Variants in TRIO observed in about 807,000 individuals in gnomAD.
TRIO encodes the protein trio Rho guanine nucleotide exchange factor, also known as triple functional domain protein.
A neutral mutation model predicts 351.9 loss-of-function variants in TRIO; 58 were observed. That is an observed-to-expected ratio of 0.16 (90% confidence interval 0.13 to 0.21). The LOEUF (loss-of-function observed/expected upper bound fraction) is 0.21, where lower values mean the gene tolerates loss of function less well. Ranked by LOEUF, TRIO falls within the 10% of genes least tolerant of loss-of-function variation. The pLI is 1.00. For missense variants in TRIO, 3,201 were observed against 4,027.8 expected (o/e 0.79, Z 5.56); for synonymous variants, 1,758 against 1,595.7 (o/e 1.10, Z -2.42).
intron 8 of TRIO, among the ~76,000 whole-genome samples, chr5:14,307,310 C>T (rs1738461121): frequency 6.6e-6 from 1 of 152,218 alleles, no homozygotes; most frequent in African/African-American, 2.4e-5. Flanking sequence ...TCCAATGATG[C>T]CCCTTTCTCT....
Position 14,461,162 on chromosome 5 carries a change from C to G in TRIO, c.5347C>G (p.Arg1783Gly). 6.4e-7 allele frequency: 1 copy of G among 1,556,948 alleles called. No homozygotes were observed. The highest frequency in any genetic ancestry group is 8.7e-7 in the Non-Finnish European group (1 of 1,150,992). The change falls in exon 35 of 57, where the codon CGG (arginine) becomes GGG (glycine). Residue 1783 changes from arginine (R) to glycine (G), a missense_variant. Arg to Gly is a moderately radical substitution (Grantham distance 125). This residue lies in a region of TRIO where 193 missense variants were observed against 218.8 expected (regional missense o/e 0.88). Coordinates refer to ENST00000344204, the MANE Select transcript of TRIO (RefSeq NM_007118.4). ...LRKWLTSPVRRLSSGKADGHV... is the reference protein window; with the variant it reads ...LRKWLTSPVRGLSSGKADGHV... ...CAAGTGGCTCACCAGCCCCGTGCGG[C>G]GGCTCAGCAGCGGCAAGGCCGACGG...
intron 21 of TRIO, 116 bp downstream of exon 21, chr5:14,381,368 A>G: frequency 7.7e-7 from 1 of 1,295,116 alleles, no homozygotes; most frequent in Admixed American, 3.1e-5. Context: ...GGGCTGTTCC[A>G]CATTAACTGG....
rs187330825 is a variant in TRIO at position 14,378,273 on chromosome 5, A to C, written c.3447+146A>C. ...TAGCCTTCTAGTTAAGTTTGTTATAAAAAGAAAACCCCACAGCCTGGTAAA... is the reference window on the plus strand; with the variant it reads ...TAGCCTTCTAGTTAAGTTTGTTATACAAAGAAAACCCCACAGCCTGGTAAA... On this transcript the variant is annotated intron_variant, in intron 20 of 56. Transcript: ENST00000344204. 10 of 581,400 alleles carry C rather than the reference A, an allele frequency of 1.7e-5. No individual in the cohort carries two copies. The Admixed American group carries it at 2.4e-4, about 14-fold the overall frequency. 36.0% of individuals were successfully genotyped at this position (581,400 alleles called of 1,614,324 possible). A position where few individuals can be genotyped will look rare whatever the true frequency, so the allele number is the denominator to read the frequency against.
At chr5:14,306,830 A>G (rs891549632) in intron 8 of TRIO, among the ~76,000 whole-genome samples, 1 of 152,154 alleles carries the variant, frequency 6.6e-6, no homozygotes. Context: ...TTACCAGTGC[A>G]TTCTATAAAA....
chr5:14,507,105 C>T lies in TRIO; in HGVS notation c.8613-17C>T, dbSNP rs370910992. On this transcript the variant is annotated splice_polypyrimidine_tract_variant and intron_variant, in intron 55 of 56. Transcript: ENST00000344204. ...AGCAAATCGCATCATAACAGTCACC[C>T]GCTCCTGCCTCTTTAGGGCTGACCA... is the stretch of plus-strand genomic sequence containing the variant. 1.7e-5 allele frequency: 26 copies of T among 1,563,174 alleles called. No homozygotes were observed. The African/African-American group carries it at 2.2e-4, about 13-fold the overall frequency.
At chr5:14,312,416 A>T (rs1167948184) in intron 8 of TRIO, among the ~76,000 whole-genome samples, 2 of 152,188 alleles carry the variant, frequency 1.3e-5, no homozygotes, top group Non-Finnish European at 2.9e-5. Flanking sequence ...ACTCATTTGG[A>T]TATCAGAGCA....
In TRIO at chr5:14,487,742, C is replaced by A. The variant is rs975107010; in HGVS notation, c.7114C>A (p.Pro2372Thr). The A allele has an allele frequency of 3.6e-6, 5 of 1,406,600 alleles. No homozygotes were observed. The African/African-American group carries it at 6.1e-5, about 17-fold the overall frequency. The allele number at this position is 1,406,600 out of a possible 1,614,324, so 87.1% of individuals were successfully genotyped here. The change falls in exon 48 of 57, where the codon CCC (proline) becomes ACC (threonine). Residue 2372 changes from proline (P) to threonine (T), a missense_variant. Pro to Thr is a conservative substitution (Grantham distance 38). This residue lies in a region of TRIO where 1,089 missense variants were observed against 954.9 expected (regional missense o/e 1.14). Transcript: ENST00000344204. ...AGACAAGATGTCAGGTACGTCCACCCCCGGGCCCTCCCTGCCTCCCCCTGG... is the reference window on the plus strand; with the variant it reads ...AGACAAGATGTCAGGTACGTCCACCACCGGGCCCTCCCTGCCTCCCCCTGG... ...EADKMSGTST[P>T]GPSLPPPGAA...
chr5:14,224,673 C>T (rs1438181046), intron 1 of TRIO, among the ~76,000 whole-genome samples: 1 of 151,968 alleles, frequency 6.6e-6, no homozygotes, highest in Non-Finnish European at 1.5e-5. Context: ...AGTGGAAGGA[C>T]TCAGTGGCTA....
chr5:14,161,974 C>T (rs1292428567), intron 1 of TRIO, among the ~76,000 whole-genome samples: 5 of 152,220 alleles, frequency 3.3e-5, no homozygotes, highest in Non-Finnish European at 7.3e-5. Flanking sequence ...CTGTCTTGGC[C>T]TCCTGAAGTG....
chr5:14,350,794 C>A (rs764770472), intron 11 of TRIO, among the ~76,000 whole-genome samples: 65 of 152,112 alleles, frequency 4.3e-4, no homozygotes, highest in Non-Finnish European at 8.2e-4. Flanking sequence ...CATAAATTTT[C>A]TTTGATCATA....
intron 21 of TRIO, among the ~76,000 whole-genome samples, chr5:14,386,163 G>A (rs560181465): frequency 1.1e-3 from 164 of 152,308 alleles, no homozygotes; most frequent in African/African-American, 2.9e-3. Flanking sequence ...GGGAGGGCCC[G>A]CTAAGAGAGT....
Position 14,455,904 on chromosome 5 carries a change from C to T in TRIO, c.5204-5115C>T, listed in dbSNP as rs536860759. ...CGCACTGCACACCTGCACTCCTCAG[C>T]CCTTGGGCAGTCGATGGGACCGGGC... On this transcript the variant is annotated intron_variant, in intron 34 of 56. Coordinates refer to ENST00000344204, the MANE Select transcript of TRIO (RefSeq NM_007118.4). 1.8e-3 allele frequency among the ~76,000 whole-genome samples: 274 copies of T among 152,388 alleles called. 1 individual carries two copies. Among genetic ancestry groups the T allele is most frequent in the Middle Eastern group, 3.4e-3 (1 of 294 alleles).
At chr5:14,394,495 G>C (rs537867061) in intron 28 of TRIO, among the ~76,000 whole-genome samples, 15 of 152,290 alleles carry the variant, frequency 9.8e-5, no homozygotes, top group Admixed American at 9.8e-4. Context: ...CTGCAGGCAT[G>C]GAAACTAGCC....
chr5:14,291,788 T>TAAAAAA lies in TRIO; in HGVS notation c.1053+583_1053+588dup, dbSNP rs57424190. The stretch of plus-strand genomic sequence containing the variant: ...TGGGCGACAGAGTGAGACTCCGTCT[T>TAAAAAA]AAAAAAAAAAAAAAAAAAAAAAAAA... On this transcript the variant is annotated intron_variant, in intron 5 of 56. Transcript: ENST00000344204. Among the ~76,000 whole-genome samples the TAAAAAA allele has an allele frequency of 3.4e-3, 342 of 100,886 alleles. 9 individuals carry two copies. Among genetic ancestry groups the TAAAAAA allele is most frequent in the African/African-American group, 0.013 (284 of 22,492 alleles). The allele number at this position is 100,886 out of a possible 152,430, so 66.2% of individuals were successfully genotyped here.
chr5:14,149,538 G>A (rs919495793), intron 1 of TRIO, among the ~76,000 whole-genome samples: 2 of 152,176 alleles, frequency 1.3e-5, no homozygotes, highest in African/African-American at 4.8e-5. Flanking sequence ...GGTTGTATGT[G>A]GGGAAAGAGA....
chr5:14,147,415 A>C (rs1279237916), intron 1 of TRIO, among the ~76,000 whole-genome samples: 1 of 152,192 alleles, frequency 6.6e-6, no homozygotes, highest in Non-Finnish European at 1.5e-5. Flanking sequence ...GTGGCAATAA[A>C]TCATTCTTTC....
chr5:14,256,603 A>C (rs1245079493), intron 1 of TRIO, among the ~76,000 whole-genome samples: 1 of 152,150 alleles, frequency 6.6e-6, no homozygotes, highest in Non-Finnish European at 1.5e-5. Flanking sequence ...AAGTCTGGGG[A>C]CTATTTTGCT....
At chr5:14,254,460 G>A (rs1444589427) in intron 1 of TRIO, among the ~76,000 whole-genome samples, 3 of 152,192 alleles carry the variant, frequency 2.0e-5, no homozygotes, top group Non-Finnish European at 4.4e-5. Context: ...CTCAGAAACT[G>A]CTTGCTGCAT....
intron 2 of TRIO, among the ~76,000 whole-genome samples, chr5:14,278,709 G>C (rs752737285): frequency 5.9e-5 from 9 of 152,122 alleles, no homozygotes; most frequent in Non-Finnish European, 8.8e-5. Flanking sequence ...CAAAAAATTA[G>C]AGCCATTGAT....
Sources: allele counts gnomAD v4.1 joint callset (sites outside exome capture counted in the v4.1 genomes callset), GRCh38; gene constraint gnomAD v4.1.1; regional missense constraint gnomAD v4.1.1; transcripts MANE v1.5; gene names NCBI Gene and HGNC (gene_info 2026-07-23, HGNC 2026-07-21).